The following PCSK5 variants were observed in gnomAD, a reference collection of about 807,000 sequenced individuals.
PCSK5 encodes proprotein convertase subtilisin/kexin type 5, also known as prohormone convertase 5.
Under a neutral mutation model 233.2 loss-of-function variants are expected in PCSK5, and 129 were observed. The ratio of observed to expected loss-of-function variants is 0.55; its 90% CI spans 0.48 to 0.64. The LOEUF is 0.64. Ranked by LOEUF, PCSK5 falls within the 30% of genes least tolerant of loss-of-function variation. PCSK5 has a pLI of 0.00. For missense variants in PCSK5, 2,076 were observed against 2,430.1 expected (o/e 0.85, Z 3.06); for synonymous variants, 825 against 879.2 (o/e 0.94, Z 1.09).
intron 3 of PCSK5, among the ~76,000 whole-genome samples, chr9:76,007,295 T>C (rs1827518714): frequency 6.6e-6 from 1 of 152,230 alleles, no homozygotes; most frequent in African/African-American, 2.4e-5. Context: ...TTCATTTGTG[T>C]GCTGTTGCAA....
At chr9:76,065,263 C>A (rs1830244868) in intron 5 of PCSK5, among the ~76,000 whole-genome samples, 1 of 151,956 alleles carries the variant, frequency 6.6e-6, no homozygotes, top group Non-Finnish European at 1.5e-5. Flanking sequence ...TTCCCACCAG[C>A]AGTGTTCTCT....
intron 9 of PCSK5, among the ~76,000 whole-genome samples, chr9:76,108,223 A>G (rs1311537455): frequency 6.6e-6 from 1 of 152,220 alleles, no homozygotes; most frequent in Non-Finnish European, 1.5e-5. Flanking sequence ...AATTCCAAAC[A>G]TGTCTTGTCC....
At chr9:75,956,344 A>T (rs895817950) in intron 2 of PCSK5, among the ~76,000 whole-genome samples, 4 of 152,166 alleles carry the variant, frequency 2.6e-5, no homozygotes, top group African/African-American at 9.7e-5. Context: ...TCTACAGATA[A>T]ATCAGGGAGG....
intron 20 of PCSK5, among the ~76,000 whole-genome samples, chr9:76,221,828 C>A (rs1342020721): frequency 6.6e-6 from 1 of 152,128 alleles, no homozygotes; most frequent in Non-Finnish European, 1.5e-5. Flanking sequence ...ATGAGGTTGC[C>A]AGAGTAGCAT....
chr9:76,279,345 C>T (rs537147458), intron 24 of PCSK5, among the ~76,000 whole-genome samples: 7,470 of 148,364 alleles, frequency 0.05, 729 homozygotes, highest in African/African-American at 0.18. Context: ...CAAGTCTTTG[C>T]TATTGTGAAT....
chr9:76,111,887 A>C (rs1193199150), intron 9 of PCSK5, among the ~76,000 whole-genome samples: 1 of 152,172 alleles, frequency 6.6e-6, no homozygotes, highest in African/African-American at 2.4e-5. Context: ...CAGGGGGAAA[A>C]AAATAAAAGA....
chr9:76,351,429 C>A (rs10869759), intron 36 of PCSK5, among the ~76,000 whole-genome samples: 5 of 96,234 alleles, frequency 5.2e-5, no homozygotes, highest in African/African-American at 7.7e-5. Flanking sequence ...ACCGCCCCCC[C>A]CTGCAATGTG....
intron 24 of PCSK5, among the ~76,000 whole-genome samples, chr9:76,251,575 A>AG (rs796824280): frequency 2.0e-5 from 3 of 151,340 alleles, no homozygotes; most frequent in South Asian, 4.2e-4. Context: ...AAAAAAAAAA[A>AG]AAAAAGACAG....
rs1363360444 is a variant in PCSK5 at position 76,338,280 on chromosome 9, G to A, written c.4799G>A (p.Cys1600Tyr). The A allele has an allele frequency of 6.2e-7, 1 of 1,612,654 alleles. No homozygotes were observed. The highest frequency in any genetic ancestry group is 2.2e-5 in the East Asian group (1 of 44,870). Reference protein sequence around the residue: ...TGRCERCNRSCKGCQGPRPTD... With the variant: ...TGRCERCNRSYKGCQGPRPTD... The stretch of plus-strand genomic sequence containing the variant: ...CGGTGTGAGAGGTGCAACAGGAGCT[G>A]CAAGGGGTGCCAGGGCCCACGGCCC... The change falls in exon 35 of 38, where the codon TGC becomes TAC. Residue 1600 changes from cysteine (C) to tyrosine (Y), a missense_variant. By Grantham distance (194) the Cys-to-Tyr change is radical (BLOSUM62 -2). This residue lies in a region of PCSK5 where 1,510 missense variants were observed against 1,538.1 expected (regional missense o/e 0.98). Transcript: ENST00000674117.
At chr9:76,120,826 A>G (rs1414371796) in intron 9 of PCSK5, among the ~76,000 whole-genome samples, 5 of 152,038 alleles carry the variant, frequency 3.3e-5, no homozygotes, top group African/African-American at 9.7e-5. Context: ...TTCTGTTCCA[A>G]TCCTGCCTCT....
At chr9:76,113,937 T>C (rs1336499138) in intron 9 of PCSK5, among the ~76,000 whole-genome samples, 2 of 152,022 alleles carry the variant, frequency 1.3e-5, no homozygotes, top group Non-Finnish European at 2.9e-5. Flanking sequence ...TTTAAGAGAG[T>C]TTTATTTATT....
chr9:76,161,896 C>T (rs146413269), intron 12 of PCSK5, among the ~76,000 whole-genome samples: 14 of 152,300 alleles, frequency 9.2e-5, no homozygotes, highest in South Asian at 8.3e-4. Context: ...ACTCCTATAG[C>T]GCACCTCAGT....
intron 7 of PCSK5, among the ~76,000 whole-genome samples, chr9:76,078,423 A>G (rs552130446): frequency 1.3e-5 from 2 of 152,294 alleles, no homozygotes; most frequent in Admixed American, 6.5e-5. Flanking sequence ...TTACATTTAA[A>G]TCTTTAATCC....
intron 34 of PCSK5, among the ~76,000 whole-genome samples, chr9:76,333,185 T>G (rs2131485129): frequency 6.6e-6 from 1 of 152,254 alleles, no homozygotes; most frequent in South Asian, 2.1e-4. Context: ...TTCTAAAAAT[T>G]AAAACAATTT....
chr9:76,064,730 A>T, intron 5 of PCSK5, among the ~76,000 whole-genome samples: 1 of 148,640 alleles, frequency 6.7e-6, no homozygotes. Flanking sequence ...CACCTCCCAG[A>T]CGGGGTCTCG....
At chr9:76,114,944 TAGCCTGGTCA>T (rs1206521817) in intron 9 of PCSK5, among the ~76,000 whole-genome samples, 1 of 151,992 alleles carries the variant, frequency 6.6e-6, no homozygotes, top group Non-Finnish European at 1.5e-5. Context: ...GAGATTAGGG[TAGCCTGGTCA>T]AGGTGATGGG....
chr9:76,279,737 T>G (rs929407019), intron 24 of PCSK5, among the ~76,000 whole-genome samples: 16 of 152,050 alleles, frequency 1.1e-4, no homozygotes, highest in Non-Finnish European at 2.4e-4. Flanking sequence ...GTTCATGTCC[T>G]TCGCCCACTT....
At chr9:76,351,503 A>AAG (rs1830143279) in intron 36 of PCSK5, among the ~76,000 whole-genome samples, 1 of 56,380 alleles carries the variant, frequency 1.8e-5, no homozygotes, top group African/African-American at 3.8e-5. Flanking sequence ...AAAGAAAGAA[A>AAG]GAAAGAAAGA....
intron 7 of PCSK5, among the ~76,000 whole-genome samples, chr9:76,094,763 C>G (rs548547830): frequency 1.3e-5 from 2 of 152,190 alleles, no homozygotes; most frequent in South Asian, 4.2e-4. Context: ...GTGTGCACCA[C>G]CACGCCTCGC....
Sources: gnomAD v4.1 joint callset for allele counts (sites outside exome capture counted in the v4.1 genomes callset) on GRCh38, gnomAD v4.1.1 for gene constraint, gnomAD v4.1.1 regional missense constraint, MANE v1.5 for transcripts, NCBI Gene and HGNC (gene_info 2026-07-23, HGNC 2026-07-21) for gene names.